The following TBC1D19 variants were observed in gnomAD, a reference collection of about 807,000 sequenced individuals.
TBC1D19 encodes the protein TBC1 domain family, member 19.
Under a neutral mutation model 89.0 loss-of-function variants are expected in TBC1D19, and 60 were observed. The observed-to-expected ratio is 0.67, with a 90% CI of 0.55 to 0.84. TBC1D19 has a LOEUF of 0.84. TBC1D19 is among the 40% of genes least tolerant of loss of function. TBC1D19 has a pLI of 0.00. For missense variants in TBC1D19, 500 were observed against 610.8 expected (o/e 0.82, Z 1.91); for synonymous variants, 189 against 199.7 (o/e 0.95, Z 0.45).
chr4:26,717,885 T>G (rs1716731520), intron 13 of TBC1D19, 48 bp from the exon 14 acceptor site: 1 of 1,468,374 alleles, frequency 6.8e-7, no homozygotes, highest in Non-Finnish European at 9.5e-7. Flanking sequence ...AATTACCTGG[T>G]TTTATAATAG....
rs1338099983 is a variant in TBC1D19 at position 26,748,477 on chromosome 4, G to A, written c.1386G>A (p.Leu462=). ...FSGYLATDQL[L]LLWDRILGYN... is the part of the protein sequence containing the mutation. ...GATACTTAGCTACAGATCAGCTCTT[G>A]CTTTTATGGGATAGAATCCTAGGAT... Residue 462 remains leucine, a synonymous_variant, in exon 19 of 21, where the codon TTG becomes TTA. Transcript: ENST00000264866. 6.2e-7 allele frequency: 1 copy of A among 1,613,854 alleles called. No homozygotes were observed. The highest frequency in any genetic ancestry group is 1.3e-5 in the African/African-American group (1 of 75,010).
At chr4:26,625,059 T>G (rs1742306360) in intron 4 of TBC1D19, among the ~76,000 whole-genome samples, 1 of 152,082 alleles carries the variant, frequency 6.6e-6, no homozygotes. Flanking sequence ...AAAAATTCAA[T>G]TCATTTTTTT....
At chr4:26,613,631 A>G (rs1486641149) in intron 2 of TBC1D19, among the ~76,000 whole-genome samples, 1 of 152,204 alleles carries the variant, frequency 6.6e-6, no homozygotes, top group Non-Finnish European at 1.5e-5. Flanking sequence ...TTTTAACAAA[A>G]TGGTGCAAAA....
intron 15 of TBC1D19, among the ~76,000 whole-genome samples, chr4:26,720,967 T>C (rs1716936852): frequency 6.6e-6 from 1 of 152,134 alleles, no homozygotes; most frequent in African/African-American, 2.4e-5. Flanking sequence ...TACTGATCAC[T>C]ATATCTAAAA....
chr4:26,649,332 C>G (rs1744174019), intron 7 of TBC1D19, among the ~76,000 whole-genome samples: 1 of 151,664 alleles, frequency 6.6e-6, no homozygotes, highest in African/African-American at 2.4e-5. Flanking sequence ...CTTTTTTTTC[C>G]CAATACCCCC....
intron 19 of TBC1D19, among the ~76,000 whole-genome samples, chr4:26,749,146 A>G (rs1332276311): frequency 2.0e-5 from 3 of 152,192 alleles, no homozygotes; most frequent in Non-Finnish European, 4.4e-5. Context: ...CTTACAACAG[A>G]TGTATGCCCA....
intron 19 of TBC1D19, among the ~76,000 whole-genome samples, chr4:26,751,764 C>T (rs1718979589): frequency 6.6e-6 from 1 of 152,194 alleles, no homozygotes; most frequent in Admixed American, 6.5e-5. Flanking sequence ...ACTGGTTGCA[C>T]TTGGCCTTTA....
chr4:26,825,386 C>G, the TBC1D19 span, among the ~76,000 whole-genome samples: 1 of 152,182 alleles, frequency 6.6e-6, no homozygotes, highest in Non-Finnish European at 1.5e-5. Flanking sequence ...CATGAGCCAC[C>G]ACGCCTGGCT....
At chr4:26,819,381 ATC>A in the TBC1D19 span, among the ~76,000 whole-genome samples, 25 of 152,136 alleles carry the variant, frequency 1.6e-4, no homozygotes, top group African/African-American at 5.8e-4. Context: ...GTGGTTTTGC[ATC>A]TGTTTCCCCT....
chr4:26,584,519 C>G (rs903626673), intron 1 of TBC1D19, among the ~76,000 whole-genome samples: 1 of 152,174 alleles, frequency 6.6e-6, no homozygotes. Context: ...CAGCCCCAGG[C>G]GTGGTTAATA....
chr4:26,661,893 T>G lies in TBC1D19; in HGVS notation c.591+2186T>G, dbSNP rs76409243. On this transcript the variant is annotated intron_variant, in intron 8 of 20. Coordinates refer to ENST00000264866, the MANE Select transcript of TBC1D19 (RefSeq NM_018317.4). Reference sequence around the variant, plus strand: ...GTCACATAGGCACAACATAGGGAAGTCTCATACACAATAGGAATCATTTCT... The same window carrying G: ...GTCACATAGGCACAACATAGGGAAGGCTCATACACAATAGGAATCATTTCT... 2.1e-3 allele frequency among the ~76,000 whole-genome samples: 318 copies of G among 152,226 alleles called. 2 individuals carry two copies. Among genetic ancestry groups the G allele is most frequent in the African/African-American group, 7.4e-3 (307 of 41,552 alleles).
the TBC1D19 span, among the ~76,000 whole-genome samples, chr4:26,817,984 ATAT>A: frequency 1.0e-5 from 1 of 97,548 alleles, no homozygotes; most frequent in African/African-American, 4.3e-5. Context: ...AAAAAAAAAT[ATAT>A]ATATATATAT....
chr4:26,640,023 A>G, intron 6 of TBC1D19, 118 bp from the exon 7 acceptor site: 1 of 719,634 alleles, frequency 1.4e-6, no homozygotes, highest in Non-Finnish European at 2.3e-6. Context: ...ATGCATTCTC[A>G]AGAAATGTTT....
chr4:26,789,893 G>A, the TBC1D19 span, among the ~76,000 whole-genome samples: 2 of 152,150 alleles, frequency 1.3e-5, no homozygotes, highest in African/African-American at 4.8e-5. Flanking sequence ...GCAAAAACAT[G>A]GGTGGAATTA....
At chr4:26,806,839 A>G in the TBC1D19 span, among the ~76,000 whole-genome samples, 1 of 152,240 alleles carries the variant, frequency 6.6e-6, no homozygotes, top group East Asian at 1.9e-4. Context: ...GATTGAAGTT[A>G]GTAACTGCAA....
chr4:26,715,270 C>T (rs1577976250), intron 13 of TBC1D19, among the ~76,000 whole-genome samples: 1 of 152,176 alleles, frequency 6.6e-6, no homozygotes, highest in East Asian at 1.9e-4. Flanking sequence ...GTTCCACTCG[C>T]TGAGATCAAA....
chr4:26,799,443 C>T, the TBC1D19 span, among the ~76,000 whole-genome samples: 1 of 152,088 alleles, frequency 6.6e-6, no homozygotes, highest in Non-Finnish European at 1.5e-5. Context: ...ACATATTTGA[C>T]CAGATAAATA....
chr4:26,577,599 G>T (rs551619585), intron 1 of TBC1D19, among the ~76,000 whole-genome samples: 1 of 152,282 alleles, frequency 6.6e-6, no homozygotes, highest in South Asian at 2.1e-4. Context: ...GCTAAAATAA[G>T]AATTTGAGTA....
At chr4:26,606,710 A>G (rs533029734) in intron 1 of TBC1D19, among the ~76,000 whole-genome samples, 2 of 152,332 alleles carry the variant, frequency 1.3e-5, no homozygotes, top group Middle Eastern at 3.4e-3. Flanking sequence ...AGAATTCTGT[A>G]ATCACTTCTA....
Sources: allele counts gnomAD v4.1 joint callset (sites outside exome capture counted in the v4.1 genomes callset), GRCh38; gene constraint gnomAD v4.1.1; transcripts MANE v1.5; gene names NCBI Gene and HGNC (gene_info 2026-07-23, HGNC 2026-07-21).